The following MYO3A variants were observed in gnomAD, a reference collection of about 807,000 sequenced individuals.
MYO3A encodes the protein myosin IIIA.
Under a neutral mutation model 192.7 loss-of-function variants are expected in MYO3A, and 180 were observed. The observed-to-expected ratio is 0.93, with a 90% CI of 0.83 to 1.06. The LOEUF is 1.06. MYO3A is among the 50% of genes least tolerant of loss of function. The probability of loss-of-function intolerance (pLI) is 0.00; values close to 1 mark genes in which losing one functional copy is unlikely to be tolerated. For missense variants in MYO3A, 1,896 were observed against 1,905.0 expected (o/e 1.00, Z 0.09); for synonymous variants, 628 against 645.3 (o/e 0.97, Z 0.41).
chr10:26,037,799 C>T lies in MYO3A; in HGVS notation c.953+11267C>T, dbSNP rs986750291. Among the ~76,000 whole-genome samples the T allele has an allele frequency of 2.0e-5, 3 of 149,702 alleles. No homozygotes were observed. The South Asian group carries it at 6.2e-4, about 31-fold the overall frequency. On this transcript the variant is annotated intron_variant, in intron 10 of 34. Transcript: ENST00000642920. ...CGAAAGGGAAGCAAGCACATCTTCACATGGCGTCAGGAGTGAGAGAGTCAA... is the reference window on the plus strand; with the variant it reads ...CGAAAGGGAAGCAAGCACATCTTCATATGGCGTCAGGAGTGAGAGAGTCAA...
intron 34 of MYO3A, among the ~76,000 whole-genome samples, chr10:26,205,433 AC>A (rs1007856531): frequency 9.3e-5 from 13 of 139,798 alleles, no homozygotes; most frequent in Non-Finnish European, 2.0e-4. Context: ...CCTGGTAACT[AC>A]TATTCTACTC....
chr10:26,043,376 G>C (rs55947731), intron 10 of MYO3A, among the ~76,000 whole-genome samples: 24,732 of 151,430 alleles, frequency 0.16, 2,306 homozygotes, highest in Non-Finnish European at 0.21. Flanking sequence ...AGCCAGCCAG[G>C]ATTATGTCCT....
At chr10:26,108,378 G>A (rs1588969800) in intron 17 of MYO3A, among the ~76,000 whole-genome samples, 3 of 152,100 alleles carry the variant, frequency 2.0e-5, no homozygotes, top group African/African-American at 7.2e-5. Flanking sequence ...TCTAGTAAGA[G>A]CTTAAGCTAA....
chr10:26,118,287 G>C (rs1288688927), intron 17 of MYO3A, among the ~76,000 whole-genome samples: 1 of 152,050 alleles, frequency 6.6e-6, no homozygotes, highest in Non-Finnish European at 1.5e-5. Flanking sequence ...AGCCCATGCT[G>C]GTTCCTTCAT....
Position 25,987,250 on chromosome 10 carries a change from TA to T in MYO3A, c.304-9237del, listed in dbSNP as rs200195675. On this transcript the variant is annotated intron_variant, in intron 4 of 34. Transcript: ENST00000642920. ...GACTTAAATGTAAAACCTGAATCCATAAAGATTCTAGAAAATAATATGGGAA... is the reference window on the plus strand; with the variant it reads ...GACTTAAATGTAAAACCTGAATCCATAAGATTCTAGAAAATAATATGGGAA... Among the ~76,000 whole-genome samples, 595 of 152,260 alleles carry T rather than the reference TA, an allele frequency of 3.9e-3. 3 individuals are homozygous for T. The highest frequency in any genetic ancestry group is 0.014 in the African/African-American group (567 of 41,546).
chr10:26,210,578 C>T (rs1358643603), intron 34 of MYO3A, among the ~76,000 whole-genome samples: 1 of 152,236 alleles, frequency 6.6e-6, no homozygotes, highest in Non-Finnish European at 1.5e-5. Flanking sequence ...GGCCTTCCTA[C>T]TTTCATCCTG....
rs368375217 is a variant in MYO3A at position 26,124,625 on chromosome 10, G to A, written c.1904-773G>A. 2.9e-4 allele frequency among the ~76,000 whole-genome samples: 44 copies of A among 152,214 alleles called. No individual in the cohort carries two copies. In the East Asian group the frequency reaches 6.4e-3, roughly 22 times the overall value. ...CAAGTGCTAAAAGTAAATGTAAAAT[G>A]TTCAAAATATTTTAAAAGGAGAACA... On this transcript the variant is annotated intron_variant, in intron 18 of 34. Coordinates refer to ENST00000642920, the MANE Select transcript of MYO3A (RefSeq NM_017433.5).
intron 20 of MYO3A, among the ~76,000 whole-genome samples, chr10:26,134,362 A>G (rs1206700449): frequency 1.3e-5 from 2 of 152,208 alleles, no homozygotes; most frequent in East Asian, 3.8e-4. Flanking sequence ...CATAAAAACT[A>G]ACAGGATCAT....
intron 24 of MYO3A, among the ~76,000 whole-genome samples, chr10:26,154,290 T>C (rs960346574): frequency 1.6e-4 from 25 of 152,268 alleles, no homozygotes; most frequent in African/African-American, 5.8e-4. Context: ...CAAGTGATTC[T>C]CCTGCCTCAG....
At chr10:26,199,569 C>CA (rs200237684) in intron 32 of MYO3A, among the ~76,000 whole-genome samples, 2,925 of 147,958 alleles carry the variant, frequency 0.02, 29 homozygotes, top group Non-Finnish European at 0.03. Context: ...GACACTGTCT[C>CA]AAAAAAAAAG....
rs897893663 is a variant in MYO3A, at chr10:26,147,376, G to A, written c.2506-54G>A. ...TGTTGATGATGATGATGGTGAGGAGGAGGAGGATGACAATGACATTGATTG... is the reference window on the plus strand; with the variant it reads ...TGTTGATGATGATGATGGTGAGGAGAAGGAGGATGACAATGACATTGATTG... On this transcript the variant is annotated intron_variant, in intron 22 of 34. Coordinates refer to ENST00000642920, the MANE Select transcript of MYO3A (RefSeq NM_017433.5). The A allele has an allele frequency of 1.2e-5, 19 of 1,520,996 alleles. No homozygotes were observed. The East Asian group carries it at 3.8e-4, about 31-fold the overall frequency. 94.2% of individuals were successfully genotyped at this position (1,520,996 alleles called of 1,614,324 possible).
At chr10:25,952,731 A>T (rs1837286978) in intron 3 of MYO3A, among the ~76,000 whole-genome samples, 1 of 152,138 alleles carries the variant, frequency 6.6e-6, no homozygotes, top group African/African-American at 2.4e-5. Context: ...AAAGAAAATT[A>T]ATTTTCAGGT....
chr10:25,957,780 G>A (rs1270137003), intron 4 of MYO3A, among the ~76,000 whole-genome samples: 2 of 152,076 alleles, frequency 1.3e-5, no homozygotes, highest in Non-Finnish European at 2.9e-5. Flanking sequence ...TTTAAAAATA[G>A]CTATTCTGAC....
chr10:26,053,952 C>CTT (rs1209175229), intron 10 of MYO3A, among the ~76,000 whole-genome samples: 1 of 152,154 alleles, frequency 6.6e-6, no homozygotes, highest in African/African-American at 2.4e-5. Context: ...AAGAGAAGTA[C>CTT]TTTAGGCTTG....
chr10:26,017,235 ATAT>A (rs958066627), intron 7 of MYO3A, among the ~76,000 whole-genome samples: 4 of 152,194 alleles, frequency 2.6e-5, no homozygotes, highest in African/African-American at 7.2e-5. Flanking sequence ...TAGAAATATA[ATAT>A]TATCGGAACC....
intron 34 of MYO3A, among the ~76,000 whole-genome samples, chr10:26,209,056 C>T (rs1402192078): frequency 6.6e-6 from 1 of 152,320 alleles, no homozygotes; most frequent in East Asian, 1.9e-4. Context: ...CCTCCTCTCT[C>T]CTCAAACCCT....
chr10:26,111,907 C>A (rs1310738586), intron 17 of MYO3A, among the ~76,000 whole-genome samples: 2 of 152,146 alleles, frequency 1.3e-5, no homozygotes, highest in Non-Finnish European at 2.9e-5. Flanking sequence ...AGCTCTTTTC[C>A]CTGCCTTTTG....
At position 26,176,440 on chromosome 10, in the gene MYO3A, A is replaced by C. The variant is rs536546003; in HGVS notation, c.4294-261A>C. ...ATCTCAGAAACCTGGGAAGGAGTCG[A>C]TCAGAACAGAATTCTGCATGTAGCA... On this transcript the variant is annotated intron_variant, in intron 30 of 34. Coordinates refer to ENST00000642920, the MANE Select transcript of MYO3A (RefSeq NM_017433.5). 2.1e-4 allele frequency among the ~76,000 whole-genome samples: 32 copies of C among 152,368 alleles called. 1 individual carries two copies. The highest frequency in any genetic ancestry group is 7.2e-4 in the African/African-American group (30 of 41,594).
intron 4 of MYO3A, among the ~76,000 whole-genome samples, chr10:25,981,310 C>T (rs887160000): frequency 4.0e-5 from 6 of 151,862 alleles, no homozygotes; most frequent in Non-Finnish European, 7.4e-5. Flanking sequence ...TAAGTCAAAA[C>T]GGATCACAGA....
Sources: gnomAD v4.1 joint callset for allele counts (sites outside exome capture counted in the v4.1 genomes callset) on GRCh38, gnomAD v4.1.1 for gene constraint, MANE v1.5 for transcripts, NCBI Gene and HGNC (gene_info 2026-07-23, HGNC 2026-07-21) for gene names.